UTP20: variants seen among roughly 807,000 people sequenced by gnomAD.
The protein encoded by UTP20 is UTP20 small subunit processome component.
UTP20 carries 164 observed loss-of-function variants against 329.5 expected under a neutral mutation model. That is an observed-to-expected ratio of 0.50 (90% confidence interval 0.44 to 0.57). The LOEUF (loss-of-function observed/expected upper bound fraction) is 0.57, where lower values mean the gene tolerates loss of function less well. UTP20 is among the 20% of genes least tolerant of loss of function. UTP20 has a pLI of 0.00. For synonymous variants in UTP20, 1,151 were observed against 1,159.3 expected (o/e 0.99, Z 0.14); for missense variants, 3,055 against 3,284.2 (o/e 0.93, Z 1.71).
At position 101,345,556 on chromosome 12, in the gene UTP20, T is replaced by G; in HGVS notation, c.4608T>G (p.Ser1536Arg). 1.3e-6 allele frequency: 2 copies of G among 1,555,088 alleles called. No individual in the cohort carries two copies. Among genetic ancestry groups the G allele is most frequent in the Non-Finnish European group, 1.7e-6 (2 of 1,145,180 alleles). Residue 1536 changes from serine (S) to arginine (R), a missense_variant and splice_region_variant, in exon 37 of 62, where the codon AGT (serine) becomes AGG (arginine). By Grantham distance (110) the Ser-to-Arg change is moderately radical. Around this residue, in one of 3 missense-constraint regions of UTP20, gnomAD observed 2,445 missense variants for 2,575.5 expected, o/e 0.95. Coordinates refer to ENST00000261637, the MANE Select transcript of UTP20 (RefSeq NM_014503.3). ...TTTTCTCCACTTCATATTTACAGAGTATTCAGCAGGATTATACCACAATAC... is the reference window on the plus strand; with the variant it reads ...TTTTCTCCACTTCATATTTACAGAGGATTCAGCAGGATTATACCACAATAC... ...LRKGLKSQTE[S>R]IQQDYTTILS... is the part of the protein sequence containing the mutation.
intron 40 of UTP20, 95 bp from the exon 41 acceptor site, chr12:101,354,737 A>T: frequency 7.5e-7 from 1 of 1,340,198 alleles, no homozygotes; most frequent in Non-Finnish European, 1.0e-6. Flanking sequence ...GATATTTTTT[A>T]TCGGAAGTTG....
In UTP20 at chr12:101,308,290, A is replaced by G; in HGVS notation, c.2101A>G (p.Lys701Glu). 1 of 1,612,970 alleles carries G rather than the reference A, an allele frequency of 6.2e-7. No individual in the cohort carries two copies. The highest frequency in any genetic ancestry group is 8.5e-7 in the Non-Finnish European group (1 of 1,179,568). ...DYREKLLHLR[K>E]LRHDVVQTAV... Reference sequence around the variant, plus strand: ...TAGAGAGAAGCTTCTTCATTTGAGAAAACTAAGACATGATGTGGTACAGAC... The same window carrying G: ...TAGAGAGAAGCTTCTTCATTTGAGAGAACTAAGACATGATGTGGTACAGAC... Residue 701 changes from lysine (K) to glutamate (E), a missense_variant, in exon 18 of 62, where the codon AAA (lysine) becomes GAA (glutamate). Lys to Glu is a moderately conservative substitution (Grantham distance 56). Transcript: ENST00000261637.
At chr12:101,299,238 T>G (rs1438942598) in intron 12 of UTP20, among the ~76,000 whole-genome samples, 2 of 152,184 alleles carry the variant, frequency 1.3e-5, no homozygotes, top group East Asian at 1.9e-4. Flanking sequence ...AGGAGAAAAT[T>G]ACTTATATGT....
chr12:101,311,598 C>T, intron 19 of UTP20, 121 bp from the exon 20 acceptor site: 1 of 853,466 alleles, frequency 1.2e-6, no homozygotes. Context: ...TACGACTCCA[C>T]ATTGAGGGAT....
At chr12:101,380,896 T>C (rs1870624848) in intron 57 of UTP20, among the ~76,000 whole-genome samples, 1 of 149,880 alleles carries the variant, frequency 6.7e-6, no homozygotes, top group African/African-American at 2.5e-5. Context: ...ATGTAGAGTA[T>C]TATTACCTGT....
chr12:101,311,539 G>A, intron 19 of UTP20, among the ~76,000 whole-genome samples, 180 bp from the exon 20 acceptor site: 1 of 151,958 alleles, frequency 6.6e-6, no homozygotes, highest in East Asian at 1.9e-4. Context: ...AAAATGATTT[G>A]TGCTCAGTGC....
intron 60 of UTP20, among the ~76,000 whole-genome samples, chr12:101,383,897 A>G (rs948792937): frequency 3.3e-5 from 5 of 151,484 alleles, no homozygotes; most frequent in African/African-American, 7.3e-5. Flanking sequence ...ATAGTGGTCT[A>G]TGTTATGCCA....
At chr12:101,341,996 T>A (rs537335569) in intron 32 of UTP20, among the ~76,000 whole-genome samples, 1 of 152,178 alleles carries the variant, frequency 6.6e-6, no homozygotes, top group Non-Finnish European at 1.5e-5. Flanking sequence ...TTGGGTATTA[T>A]AAGTAATCTA....
chr12:101,304,476 GA>G (rs1168238709), intron 15 of UTP20, among the ~76,000 whole-genome samples: 1 of 151,896 alleles, frequency 6.6e-6, no homozygotes, highest in African/African-American at 2.4e-5. Context: ...ATAGATGGAG[GA>G]ACTAAAGTTT....
At chr12:101,354,093 T>C (rs1869630866) in intron 40 of UTP20, among the ~76,000 whole-genome samples, 1 of 151,688 alleles carries the variant, frequency 6.6e-6, no homozygotes, top group Non-Finnish European at 1.5e-5. Context: ...AAACCCTGTC[T>C]CTACTAAATA....
At chr12:101,381,294 G>C (rs1336094853) in intron 58 of UTP20, 83 bp downstream of exon 58, 4 of 1,206,436 alleles carry the variant, frequency 3.3e-6, no homozygotes, top group Non-Finnish European at 4.9e-6. Context: ...CACTTTGAGA[G>C]GCCGAGGCGG....
chr12:101,306,128 G>A (rs1593425119), intron 16 of UTP20, 63 bp downstream of exon 16: 1 of 1,462,532 alleles, frequency 6.8e-7, no homozygotes, highest in East Asian at 2.5e-5. Flanking sequence ...ATGGACTGCA[G>A]TGGTTTTCAG....
chr12:101,353,987 C>T lies in UTP20; in HGVS notation c.5108-845C>T, dbSNP rs538872514. On this transcript the variant is annotated intron_variant, in intron 40 of 61. Coordinates refer to ENST00000261637, the MANE Select transcript of UTP20 (RefSeq NM_014503.3). The stretch of plus-strand genomic sequence containing the variant: ...TTGAATGCACAGTTAGGCTGGGGCA[C>T]GGTGGCTCACACCTGTAATCCCAGC... Among the ~76,000 whole-genome samples the T allele has an allele frequency of 4.7e-4, 72 of 152,148 alleles. 1 individual carries two copies. In the South Asian group the frequency reaches 0.015, roughly 31 times the overall value.
rs549641642 is a variant in UTP20 at position 101,310,577 on chromosome 12, C to CAAAAAAAAAAAAAAA, written c.2231+745_2231+759dup. ...GCAACAAGAGTGAAACTCTGTCTCC[C>CAAAAAAAAAAAAAAA]AAAAAAAAAAAAAAAAAAAAATACA... On this transcript the variant is annotated intron_variant, in intron 19 of 61. Transcript: ENST00000261637. Among the ~76,000 whole-genome samples the CAAAAAAAAAAAAAAA allele has an allele frequency of 8.3e-4, 37 of 44,360 alleles. 6 individuals carry two copies. Among genetic ancestry groups the CAAAAAAAAAAAAAAA allele is most frequent in the African/African-American group, 3.3e-3 (30 of 9,136 alleles). The allele number at this position is 44,360 out of a possible 152,430, so 29.1% of individuals were successfully genotyped here. A position where few individuals can be genotyped will look rare whatever the true frequency, so the allele number is the denominator to read the frequency against.
At chr12:101,385,881 T>G in intron 61 of UTP20, 87 bp from the exon 62 acceptor site, 4 of 1,446,918 alleles carry the variant, frequency 2.8e-6, no homozygotes, top group Non-Finnish European at 3.7e-6. Flanking sequence ...AATGAGCATG[T>G]GTTTTTTACA....
intron 6 of UTP20, 68 bp downstream of exon 6, chr12:101,289,109 G>T: frequency 7.2e-7 from 1 of 1,382,978 alleles, no homozygotes; most frequent in Non-Finnish European, 1.0e-6. Flanking sequence ...AGGCGTGGTG[G>T]CTCATGCCTG....
intron 2 of UTP20, among the ~76,000 whole-genome samples, chr12:101,285,185 A>G (rs1274136824): frequency 6.6e-6 from 1 of 152,184 alleles, no homozygotes; most frequent in Non-Finnish European, 1.5e-5. Flanking sequence ...TTTTAACAGG[A>G]ATGCCATATT....
chr12:101,338,850 T>G lies in UTP20; in HGVS notation c.3906T>G (p.His1302Gln). 6.2e-7 allele frequency: 1 copy of G among 1,611,810 alleles called. No individual in the cohort carries two copies. The highest frequency in any genetic ancestry group is 8.5e-7 in the Non-Finnish European group (1 of 1,179,448). Reference protein sequence around the residue: ...ITIGGRLILPHVPAILQYLSK... With the variant: ...ITIGGRLILPQVPAILQYLSK... ...TAGGAGGAAGATTAATTCTACCTCA[T>G]GTACCTGCAATTCTTCAGTATCTCA... is the stretch of plus-strand genomic sequence containing the variant. Residue 1302 changes from histidine to glutamine, a missense_variant, in exon 31 of 62, where the codon CAT becomes CAG. By Grantham distance (24) the His-to-Gln change is conservative. Around this residue, in one of 3 missense-constraint regions of UTP20, gnomAD observed 2,445 missense variants for 2,575.5 expected, o/e 0.95. Coordinates refer to ENST00000261637, the MANE Select transcript of UTP20 (RefSeq NM_014503.3).
intron 15 of UTP20, among the ~76,000 whole-genome samples, chr12:101,304,387 A>G (rs149329573): frequency 2.9e-4 from 44 of 152,362 alleles, no homozygotes; most frequent in African/African-American, 1.0e-3. Flanking sequence ...TAAGTTATAC[A>G]ATGCATGCAA....
Sources: allele counts gnomAD v4.1 joint callset (sites outside exome capture counted in the v4.1 genomes callset), GRCh38; gene constraint gnomAD v4.1.1; regional missense constraint gnomAD v4.1.1; transcripts MANE v1.5; gene names NCBI Gene and HGNC (gene_info 2026-07-23, HGNC 2026-07-21).